PLD5: variants seen among roughly 807,000 people sequenced by gnomAD.
PLD5 encodes inactive phospholipase D5.
Under a neutral mutation model 61.1 loss-of-function variants are expected in PLD5, and 36 were observed. The observed-to-expected ratio is 0.59, with a 90% CI of 0.45 to 0.78. PLD5 has a LOEUF of 0.78. Among genes scored for constraint, PLD5 ranks in the 30% least tolerant of loss-of-function variants. The probability of loss-of-function intolerance (pLI) is 0.00; values close to 1 mark genes in which losing one functional copy is unlikely to be tolerated. For synonymous variants in PLD5, 243 were observed against 242.8 expected (o/e 1.00, Z -0.01); for missense variants, 515 against 644.4 (o/e 0.80, Z 2.17).
intron 1 of PLD5, among the ~76,000 whole-genome samples, chr1:242,350,052 AAG>A (rs1158144887): frequency 2.6e-5 from 4 of 151,494 alleles, no homozygotes; most frequent in Non-Finnish European, 4.4e-5. Flanking sequence ...TTGTCTCTAA[AAG>A]AAAAAAAAAG....
intron 5 of PLD5, among the ~76,000 whole-genome samples, chr1:242,170,308 C>G (rs916069594): frequency 1.3e-5 from 2 of 152,126 alleles, no homozygotes; most frequent in African/African-American, 4.8e-5. Flanking sequence ...TGGAGTGGAC[C>G]GCTAACAAAC....
intron 5 of PLD5, among the ~76,000 whole-genome samples, chr1:242,167,435 TATTC>T (rs1301534468): frequency 2.0e-5 from 3 of 152,126 alleles, no homozygotes; most frequent in African/African-American, 4.8e-5. Context: ...TCATGAGACT[TATTC>T]ATTATCATGA....
At chr1:242,114,959 C>T (rs539406906) in intron 6 of PLD5, among the ~76,000 whole-genome samples, 57 of 152,056 alleles carry the variant, frequency 3.7e-4, no homozygotes, top group Non-Finnish European at 6.6e-4. Flanking sequence ...GCCGGATCAC[C>T]TGAGGTCAGG....
intron 5 of PLD5, among the ~76,000 whole-genome samples, chr1:242,196,303 G>A (rs944416062): frequency 3.3e-5 from 5 of 152,242 alleles, no homozygotes; most frequent in Middle Eastern, 3.4e-3. Flanking sequence ...ACGCGCTGTC[G>A]GTACATTATG....
chr1:242,251,074 G>C (rs1266971778), intron 4 of PLD5, among the ~76,000 whole-genome samples: 1 of 152,164 alleles, frequency 6.6e-6, no homozygotes, highest in Non-Finnish European at 1.5e-5. Flanking sequence ...AGGGCCAGGT[G>C]GGGGTGGTGC....
intron 5 of PLD5, among the ~76,000 whole-genome samples, chr1:242,137,593 A>G (rs1353255189): frequency 6.6e-6 from 1 of 152,166 alleles, no homozygotes; most frequent in Non-Finnish European, 1.5e-5. Flanking sequence ...AATGTGTTGA[A>G]GATTTTCCAT....
chr1:242,236,932 T>C (rs1304217673), intron 4 of PLD5, among the ~76,000 whole-genome samples: 1 of 152,238 alleles, frequency 6.6e-6, no homozygotes, highest in East Asian at 1.9e-4. Context: ...TCACAACTGA[T>C]TGAAATTAGA....
At chr1:242,136,667 C>T (rs567230182) in intron 5 of PLD5, among the ~76,000 whole-genome samples, 3 of 152,342 alleles carry the variant, frequency 2.0e-5, no homozygotes, top group South Asian at 4.1e-4. Context: ...GTGCATCTGA[C>T]TCCTTTCAAT....
chr1:242,131,939 A>G (rs1258265418), intron 5 of PLD5, among the ~76,000 whole-genome samples: 1 of 149,500 alleles, frequency 6.7e-6, no homozygotes, highest in Non-Finnish European at 1.5e-5. Flanking sequence ...GGTTCAAGCA[A>G]TTCTCCTGCC....
At chr1:242,345,708 T>C in intron 2 of PLD5, 1 of 714,460 alleles carries the variant, frequency 1.4e-6, no homozygotes, top group East Asian at 2.5e-5. Flanking sequence ...GGAGAAGAGC[T>C]TGTGGAAGAT....
intron 4 of PLD5, chr1:242,235,695 A>G (rs1361263668): frequency 6.6e-6 from 1 of 152,118 alleles, no homozygotes; most frequent in Admixed American, 6.5e-5. Flanking sequence ...TGGAGTAGGA[A>G]CCTGCTGTGC....
intron 5 of PLD5, among the ~76,000 whole-genome samples, chr1:242,171,784 C>A (rs1574446582): frequency 1.3e-5 from 2 of 150,680 alleles, no homozygotes; most frequent in Admixed American, 1.3e-4. Context: ...CAACAAAGAT[C>A]AAAAAAGACA....
intron 1 of PLD5, among the ~76,000 whole-genome samples, chr1:242,399,112 C>T (rs1663774798): frequency 6.6e-6 from 1 of 152,128 alleles, no homozygotes; most frequent in South Asian, 2.1e-4. Context: ...CGTAGCTAAC[C>T]CTTCGCTCAA....
At chr1:242,163,893 TAAAG>T (rs923867622) in intron 5 of PLD5, among the ~76,000 whole-genome samples, 3 of 147,316 alleles carry the variant, frequency 2.0e-5, no homozygotes, top group Non-Finnish European at 3.0e-5. Flanking sequence ...TTGGGTCTCC[TAAAG>T]AGAGAGTTAT....
At chr1:242,519,296 T>C (rs986355671) in intron 1 of PLD5, among the ~76,000 whole-genome samples, 1 of 152,210 alleles carries the variant, frequency 6.6e-6, no homozygotes, top group Non-Finnish European at 1.5e-5. Flanking sequence ...CCTTTGCTCC[T>C]CATGTAAACA....
At chr1:242,501,526 A>G (rs1400134232) in intron 1 of PLD5, among the ~76,000 whole-genome samples, 3 of 152,204 alleles carry the variant, frequency 2.0e-5, no homozygotes, top group African/African-American at 2.4e-5. Flanking sequence ...TGTTTCATTG[A>G]CATGAGCACT....
intron 1 of PLD5, among the ~76,000 whole-genome samples, chr1:242,509,351 T>G (rs1422194059): frequency 2.0e-5 from 3 of 151,748 alleles, no homozygotes; most frequent in Non-Finnish European, 2.9e-5. Context: ...TGCACTCCAG[T>G]CTGGGTGACA....
At chr1:242,482,212 G>A (rs994149480) in intron 1 of PLD5, among the ~76,000 whole-genome samples, 8 of 152,232 alleles carry the variant, frequency 5.3e-5, no homozygotes, top group African/African-American at 1.9e-4. Context: ...GACGGAGAAT[G>A]ACTTTGACAA....
At chr1:242,419,360 G>A (rs978463801) in intron 1 of PLD5, among the ~76,000 whole-genome samples, 1 of 150,874 alleles carries the variant, frequency 6.6e-6, no homozygotes, top group African/African-American at 2.4e-5. Flanking sequence ...ATCTTATAGT[G>A]CAAGCTGAGT....
Sources: gnomAD v4.1 joint callset for allele counts (sites outside exome capture counted in the v4.1 genomes callset) on GRCh38, gnomAD v4.1.1 for gene constraint, MANE v1.5 for transcripts, NCBI Gene and HGNC (gene_info 2026-07-23, HGNC 2026-07-21) for gene names.